The following CACNA1D variants were observed in gnomAD, a reference collection of about 807,000 sequenced individuals.
CACNA1D encodes voltage-dependent L-type calcium channel subunit alpha-1D.
In CACNA1D, 55 loss-of-function variants were observed where a neutral mutation model predicts 257.1. The ratio of observed to expected loss-of-function variants is 0.21; its 90% CI spans 0.17 to 0.27. The LOEUF (loss-of-function observed/expected upper bound fraction) is 0.27, where lower values mean the gene tolerates loss of function less well. CACNA1D is among the 10% of genes least tolerant of loss of function. CACNA1D has a pLI of 1.00. For synonymous variants in CACNA1D, 980 were observed against 1,014.9 expected (o/e 0.97, Z 0.65); for missense variants, 1,876 against 2,784.0 (o/e 0.67, Z 7.34).
rs780326246 is a variant in CACNA1D, at chr3:53,572,897, G to C, written c.483+71177G>C. 2.4e-4 allele frequency among the ~76,000 whole-genome samples: 37 copies of C among 152,154 alleles called. 3 individuals are homozygous for C. ...CCATCTTTATATGAACAGAACTCAG[G>C]CTTTGTGCTGGCGTCCACAGGCTGT... On this transcript the variant is annotated intron_variant, in intron 3 of 47. Coordinates refer to ENST00000350061, the MANE Select transcript of CACNA1D (RefSeq NM_001128840.3).
chr3:53,599,509 A>C (rs1202583360), intron 3 of CACNA1D, among the ~76,000 whole-genome samples: 1 of 152,208 alleles, frequency 6.6e-6, no homozygotes, highest in Non-Finnish European at 1.5e-5. Context: ...AAAAGGGTTA[A>C]TAGCCCAGAC....
At chr3:53,497,483 T>G (rs1296592008) in intron 2 of CACNA1D, 22 bp downstream of exon 2, 6 of 1,609,084 alleles carry the variant, frequency 3.7e-6, no homozygotes, top group Admixed American at 3.3e-5. Context: ...TTGGGGGAAG[T>G]CTTTCTCATT....
intron 3 of CACNA1D, among the ~76,000 whole-genome samples, chr3:53,634,279 T>A (rs1364727914): frequency 6.6e-6 from 1 of 152,214 alleles, no homozygotes; most frequent in Admixed American, 6.5e-5. Flanking sequence ...ATCAAGCTTG[T>A]TGCCTTTTCT....
chr3:53,636,611 A>G (rs763845738), intron 3 of CACNA1D, among the ~76,000 whole-genome samples: 1 of 152,198 alleles, frequency 6.6e-6, no homozygotes, highest in Non-Finnish European at 1.5e-5. Flanking sequence ...CCTGGCCGAA[A>G]ACTATATACT....
chr3:53,610,323 A>T (rs1267023880), intron 3 of CACNA1D, among the ~76,000 whole-genome samples: 1 of 152,212 alleles, frequency 6.6e-6, no homozygotes, highest in Non-Finnish European at 1.5e-5. Context: ...TTTATCAGTT[A>T]TGAGAGAGGA....
chr3:53,699,524 T>C (rs2108572278), intron 8 of CACNA1D, among the ~76,000 whole-genome samples: 1 of 152,330 alleles, frequency 6.6e-6, no homozygotes, highest in South Asian at 2.1e-4. Flanking sequence ...GAGCTAGGAC[T>C]AGAAGCCAGG....
intron 43 of CACNA1D, among the ~76,000 whole-genome samples, chr3:53,802,989 T>C (rs1408063211): frequency 6.6e-6 from 1 of 152,178 alleles, no homozygotes; most frequent in Non-Finnish European, 1.5e-5. Context: ...AGGAGGTCAG[T>C]GGCCAGGAAG....
intron 25 of CACNA1D, among the ~76,000 whole-genome samples, chr3:53,746,223 G>A (rs1482618487): frequency 1.3e-5 from 2 of 152,150 alleles, no homozygotes; most frequent in Admixed American, 1.3e-4. Flanking sequence ...TAACAATTAT[G>A]AAATGCCCCA....
At chr3:53,622,777 G>A (rs9850569) in intron 3 of CACNA1D, among the ~76,000 whole-genome samples, 71,752 of 151,972 alleles carry the variant, frequency 0.47, 17,263 homozygotes, top group African/African-American at 0.55. Flanking sequence ...ATAGATGTCC[G>A]TCGGGAGAAT....
At chr3:53,726,488 T>C (rs2094936068) in intron 14 of CACNA1D, among the ~76,000 whole-genome samples, 1 of 151,990 alleles carries the variant, frequency 6.6e-6, no homozygotes, top group Non-Finnish European at 1.5e-5. Flanking sequence ...AATATAAAAA[T>C]TAGCCGAGTG....
At chr3:53,611,394 A>G (rs72970761) in intron 3 of CACNA1D, among the ~76,000 whole-genome samples, 2,949 of 152,266 alleles carry the variant, frequency 0.019, 100 homozygotes, top group African/African-American at 0.067. Flanking sequence ...TCTCAAAACA[A>G]AACAAAACTT....
At chr3:53,553,853 C>T (rs558642799) in intron 3 of CACNA1D, among the ~76,000 whole-genome samples, 1 of 151,216 alleles carries the variant, frequency 6.6e-6, no homozygotes, top group African/African-American at 2.4e-5. Flanking sequence ...TAAGCCTTTG[C>T]AGTAGGAGCT....
At chr3:53,634,358 A>G (rs989969932) in intron 3 of CACNA1D, among the ~76,000 whole-genome samples, 4 of 152,220 alleles carry the variant, frequency 2.6e-5, no homozygotes, top group Non-Finnish European at 1.5e-5. Flanking sequence ...GCATCTACCT[A>G]TGCCTGAATT....
intron 3 of CACNA1D, among the ~76,000 whole-genome samples, chr3:53,558,996 C>T (rs966580495): frequency 6.6e-6 from 1 of 152,078 alleles, no homozygotes. Flanking sequence ...ACTCTAGTTC[C>T]AGTATTTTAG....
At chr3:53,693,648 T>C (rs1219555996) in intron 8 of CACNA1D, among the ~76,000 whole-genome samples, 1 of 152,184 alleles carries the variant, frequency 6.6e-6, no homozygotes, top group Non-Finnish European at 1.5e-5. Context: ...ACTCCCCTGA[T>C]AAAAATCAGT....
At chr3:53,581,856 G>T (rs949151843) in intron 3 of CACNA1D, among the ~76,000 whole-genome samples, 4 of 152,208 alleles carry the variant, frequency 2.6e-5, no homozygotes, top group African/African-American at 9.6e-5. Flanking sequence ...GCTGATTCAT[G>T]CTTAATTTTG....
intron 3 of CACNA1D, among the ~76,000 whole-genome samples, chr3:53,636,831 C>G (rs1415694544): frequency 6.6e-6 from 1 of 152,224 alleles, no homozygotes; most frequent in Non-Finnish European, 1.5e-5. Flanking sequence ...CTATTGTCAA[C>G]TGATTCTTTT....
chr3:53,636,748 C>T (rs2093888900), intron 3 of CACNA1D, among the ~76,000 whole-genome samples: 1 of 152,234 alleles, frequency 6.6e-6, no homozygotes, highest in Admixed American at 6.5e-5. Context: ...ATCCTCTCTC[C>T]TCCATTACAG....
rs924205193 is a variant in CACNA1D at position 53,495,937 on chromosome 3, G to T, written c.67+704G>T. Among the ~76,000 whole-genome samples the T allele has an allele frequency of 6.6e-6, 1 of 152,244 alleles. No homozygotes were observed. The highest frequency in any genetic ancestry group is 2.4e-5 in the African/African-American group (1 of 41,472). On this transcript the variant is annotated intron_variant, in intron 1 of 47. Coordinates refer to ENST00000350061, the MANE Select transcript of CACNA1D (RefSeq NM_001128840.3). This position sits in a 1 kb window ranked among gnomAD's most constrained non-coding sequence, Gnocchi z 5.1. ...GGCTGGGTCGAGGGAGGATGGAGCA[G>T]CTCCTGGCCAGCCCTCCCCTTTGGA...
Sources: gnomAD v4.1 joint callset for allele counts (sites outside exome capture counted in the v4.1 genomes callset) on GRCh38, gnomAD v4.1.1 for gene constraint, Gnocchi (gnomAD v3.1) non-coding constraint, MANE v1.5 for transcripts, NCBI Gene and HGNC (gene_info 2026-07-23, HGNC 2026-07-21) for gene names.